The following IL1RAPL2 variants were observed in gnomAD, a reference collection of about 807,000 sequenced individuals.
IL1RAPL2 encodes X-linked interleukin-1 receptor accessory protein-like 2.
IL1RAPL2 carries 3 observed loss-of-function variants against 44.1 expected under a neutral mutation model. The observed-to-expected ratio is 0.07, with a 90% confidence interval of 0.03 to 0.18. IL1RAPL2 has a LOEUF of 0.18. IL1RAPL2 is among the 10% of genes least tolerant of loss of function. IL1RAPL2 has a pLI of 1.00. For synonymous variants in IL1RAPL2, 181 were observed against 178.8 expected (o/e 1.01, Z -0.10); for missense variants, 391 against 496.4 (o/e 0.79, Z 2.02).
chrX:105,312,506 T>C (rs927880168), intron 5 of IL1RAPL2, among the ~76,000 whole-genome samples: 22 of 111,892 alleles, frequency 2.0e-4, no homozygotes, highest in African/African-American at 6.8e-4. Flanking sequence ...TTTTTCTTTT[T>C]GTTGGGAAAT....
Position 105,653,233 on chromosome X carries a change from C to T in IL1RAPL2, c.773-64134C>T, listed in dbSNP as rs1296482909. ...TTCCTTAGGAAATTTCAGTTTTCTT[C>T]AGAAACTTGAATTTCCTCCTTTAAT... On this transcript the variant is annotated intron_variant, in intron 6 of 10. Coordinates refer to ENST00000372582, the MANE Select transcript of IL1RAPL2 (RefSeq NM_017416.2). Among the ~76,000 whole-genome samples the T allele has an allele frequency of 4.5e-5, 5 of 111,269 alleles. No individual in the cohort carries two copies. In the Admixed American group the frequency reaches 4.8e-4, roughly 11 times the overall value.
chrX:104,882,536 C>G (rs1279778577), intron 2 of IL1RAPL2, among the ~76,000 whole-genome samples: 2 of 111,524 alleles, frequency 1.8e-5, no homozygotes, highest in African/African-American at 6.5e-5. Flanking sequence ...GGATTGTAAA[C>G]ACACCAATCA....
At chrX:105,244,325 A>G (rs1267359858) in intron 4 of IL1RAPL2, among the ~76,000 whole-genome samples, 1 of 111,704 alleles carries the variant, frequency 9.0e-6, no homozygotes, top group Non-Finnish European at 1.9e-5. Context: ...ACAAAGGGGT[A>G]GAACACAAAA....
At chrX:105,036,079 G>A (rs777215085) in intron 2 of IL1RAPL2, among the ~76,000 whole-genome samples, 4 of 111,576 alleles carry the variant, frequency 3.6e-5, no homozygotes, top group Non-Finnish European at 7.5e-5. Context: ...TTTTGGTAAT[G>A]AGACAAAATC....
At chrX:104,793,130 A>C (rs1291699376) in intron 2 of IL1RAPL2, among the ~76,000 whole-genome samples, 2 of 112,401 alleles carry the variant, frequency 1.8e-5, no homozygotes, top group Non-Finnish European at 3.8e-5. Context: ...TTGGTCCAGC[A>C]GTTAAGGTCA....
intron 2 of IL1RAPL2, among the ~76,000 whole-genome samples, chrX:104,755,442 C>T (rs1438730021): frequency 1.8e-5 from 2 of 109,541 alleles, no homozygotes; most frequent in Middle Eastern, 4.3e-3. Flanking sequence ...ACCTGAGTGA[C>T]GAGATAATCT....
intron 2 of IL1RAPL2, among the ~76,000 whole-genome samples, chrX:104,743,420 C>T (rs1932127087): frequency 9.2e-6 from 1 of 109,172 alleles, no homozygotes; most frequent in Admixed American, 9.8e-5. Context: ...AATTTACCTC[C>T]CTGTGATTGA....
intron 1 of IL1RAPL2, among the ~76,000 whole-genome samples, chrX:104,634,733 T>C (rs1012431846): frequency 1.8e-4 from 20 of 111,844 alleles, no homozygotes; most frequent in Non-Finnish European, 3.6e-4. Context: ...TGAGCCTATG[T>C]GTGTCTCTGC....
intron 3 of IL1RAPL2, among the ~76,000 whole-genome samples, chrX:105,230,764 C>T (rs2034062789): frequency 9.0e-6 from 1 of 111,386 alleles, no homozygotes. Flanking sequence ...TAAACAGCTT[C>T]TTATCCTCAT....
At position 105,012,674 on chromosome X, in the gene IL1RAPL2, C is replaced by CACACAGAG. The variant is rs1258556672; in HGVS notation, c.83-182800_83-182799insCACAGAGA. On this transcript the variant is annotated intron_variant, in intron 2 of 10. Transcript: ENST00000372582. Reference sequence around the variant, plus strand: ...ACACACACACACACACACACACACACAGAGAGAGAGAGAGAGAATAATAAA... The same window carrying CACACAGAG: ...ACACACACACACACACACACACACACACACAGAGAGAGAGAGAGAGAGAGAATAATAAA... Among the ~76,000 whole-genome samples the CACACAGAG allele has an allele frequency of 3.7e-3, 298 of 81,149 alleles. 3 individuals carry two copies. The highest frequency in any genetic ancestry group is 0.016 in the African/African-American group (265 of 16,883). 70.5% of individuals were successfully genotyped at this position (81,149 alleles called of 115,157 possible). A position where few individuals can be genotyped will look rare whatever the true frequency, so the allele number is the denominator to read the frequency against.
intron 3 of IL1RAPL2, chrX:105,219,131 G>C: frequency 8.3e-7 from 1 of 1,211,475 alleles, no homozygotes; most frequent in Non-Finnish European, 1.1e-6. Flanking sequence ...GGGTGCTCCT[G>C]ATGGTCTATT....
chrX:105,702,030 G>T (rs1355677544), intron 6 of IL1RAPL2, among the ~76,000 whole-genome samples: 3 of 111,441 alleles, frequency 2.7e-5, no homozygotes, highest in Non-Finnish European at 5.7e-5. Context: ...TCCAAGTCAG[G>T]TTTTTTCTTA....
intron 5 of IL1RAPL2, among the ~76,000 whole-genome samples, chrX:105,270,009 T>C (rs2034434749): frequency 8.9e-6 from 1 of 111,974 alleles, no homozygotes; most frequent in African/African-American, 3.2e-5. Flanking sequence ...GATCTAAAAT[T>C]TCACTTGAAT....
In IL1RAPL2 at chrX:104,842,162, C is replaced by T. The variant is rs766684996; in HGVS notation, c.82+183167C>T. Among the ~76,000 whole-genome samples, 84 of 108,984 alleles carry T rather than the reference C, an allele frequency of 7.7e-4. No individual in the cohort carries two copies. In the Middle Eastern group the frequency reaches 0.034, roughly 44 times the overall value. The allele number at this position is 108,984 out of a possible 115,157, so 94.6% of individuals were successfully genotyped here. On this transcript the variant is annotated intron_variant, in intron 2 of 10. Coordinates refer to ENST00000372582, the MANE Select transcript of IL1RAPL2 (RefSeq NM_017416.2). ...TGGTCTTCAATCTCTGATATCTTTT[C>T]TTCTGCTTGATCGATTCAGCTATTG... is the stretch of plus-strand genomic sequence containing the variant.
intron 6 of IL1RAPL2, among the ~76,000 whole-genome samples, chrX:105,626,316 T>G (rs990660141): frequency 9.0e-6 from 1 of 111,530 alleles, no homozygotes; most frequent in African/African-American, 3.3e-5. Context: ...AAATGAGGAT[T>G]GCTGCTGTAA....
At chrX:104,844,558 G>T (rs1921996197) in intron 2 of IL1RAPL2, among the ~76,000 whole-genome samples, 1 of 110,210 alleles carries the variant, frequency 9.1e-6, no homozygotes, top group Non-Finnish European at 1.9e-5. Flanking sequence ...GATTATCTTG[G>T]GCCACACATA....
intron 2 of IL1RAPL2, among the ~76,000 whole-genome samples, chrX:104,758,769 G>C (rs1932380092): frequency 9.0e-6 from 1 of 111,672 alleles, no homozygotes; most frequent in Non-Finnish European, 1.9e-5. Context: ...AGCAGTAAGT[G>C]TAATCCTCTC....
rs752342342 is a variant in IL1RAPL2, at chrX:104,837,449, G to A, written c.82+178454G>A. On this transcript the variant is annotated intron_variant, in intron 2 of 10. Transcript: ENST00000372582. ...CTGGGGTGAGATGGTATCTCACTGTGGTTTTGATTTGCATTTCTCTAATGA... is the reference window on the plus strand; with the variant it reads ...CTGGGGTGAGATGGTATCTCACTGTAGTTTTGATTTGCATTTCTCTAATGA... Among the ~76,000 whole-genome samples, 4 of 111,709 alleles carry A rather than the reference G, an allele frequency of 3.6e-5. No individual in the cohort carries two copies. In the Admixed American group the frequency reaches 3.8e-4, roughly 11 times the overall value.
chrX:104,909,322 C>G lies in IL1RAPL2; in HGVS notation c.82+250327C>G, dbSNP rs766908182. ...CCGTAGCTCAGAGTAATTTGATCGT[C>G]TGAAGCCTTCTTCTCTCAGCTCGTC... On this transcript the variant is annotated intron_variant, in intron 2 of 10. Transcript: ENST00000372582. Among the ~76,000 whole-genome samples the G allele has an allele frequency of 3.6e-5, 4 of 112,040 alleles. No homozygotes were observed. The South Asian group carries it at 1.5e-3, about 42-fold the overall frequency.
Sources: allele counts gnomAD v4.1 joint callset (sites outside exome capture counted in the v4.1 genomes callset), GRCh38; gene constraint gnomAD v4.1.1; transcripts MANE v1.5; gene names NCBI Gene and HGNC (gene_info 2026-07-23, HGNC 2026-07-21).